Variants in CMSS1 observed in about 807,000 individuals in gnomAD.
CMSS1 encodes the protein cms1 ribosomal small subunit homolog.
CMSS1 carries 33 observed loss-of-function variants against 43.5 expected under a neutral mutation model. The ratio of observed to expected loss-of-function variants is 0.76; its 90% CI spans 0.57 to 1.01. CMSS1 has a LOEUF of 1.01. Ranked by LOEUF, CMSS1 falls within the 50% of genes least tolerant of loss-of-function variation. The pLI is 0.00. For missense variants in CMSS1, 313 were observed against 326.4 expected (o/e 0.96, Z 0.32); for synonymous variants, 115 against 117.2 (o/e 0.98, Z 0.12).
At chr3:99,845,276 A>C (rs1372298771) in intron 1 of CMSS1, among the ~76,000 whole-genome samples, 1 of 152,188 alleles carries the variant, frequency 6.6e-6, no homozygotes, top group African/African-American at 2.4e-5. Flanking sequence ...CATTGCTTTT[A>C]AATAGAAAAA....
chr3:99,893,048 A>T (rs972458826), intron 1 of CMSS1, among the ~76,000 whole-genome samples: 1 of 151,764 alleles, frequency 6.6e-6, no homozygotes, highest in Non-Finnish European at 1.5e-5. Flanking sequence ...TGCAAGCATG[A>T]TGCTCTGTGT....
chr3:100,127,618 AT>A (rs1422329285), intron 1 of CMSS1, among the ~76,000 whole-genome samples: 1 of 152,140 alleles, frequency 6.6e-6, no homozygotes, highest in Non-Finnish European at 1.5e-5. Flanking sequence ...TCCCAGTGGG[AT>A]TTGGGGACCC....
chr3:100,169,595 CTGAAG>C (rs1477635148), intron 6 of CMSS1, among the ~76,000 whole-genome samples: 1 of 152,232 alleles, frequency 6.6e-6, no homozygotes, highest in East Asian at 1.9e-4. Flanking sequence ...CCTTTCTCCA[CTGAAG>C]TGGAGACACA....
chr3:100,117,825 GTATA>G (rs1166983737), intron 1 of CMSS1, among the ~76,000 whole-genome samples: 33 of 75,132 alleles, frequency 4.4e-4, no homozygotes, highest in African/African-American at 1.0e-3. Context: ...ATAAACTGCA[GTATA>G]TATATATATA....
At chr3:100,114,473 G>T in intron 1 of CMSS1, 1 of 154,580 alleles carries the variant, frequency 6.5e-6, no homozygotes. Context: ...GTAGAGGCAG[G>T]CACAGGCTCC....
chr3:100,097,014 G>A (rs1300143207), intron 1 of CMSS1, among the ~76,000 whole-genome samples: 24 of 152,146 alleles, frequency 1.6e-4, no homozygotes. Flanking sequence ...ATACCACTCT[G>A]TGGCCTGTTA....
At chr3:100,081,253 T>C (rs1487734917) in intron 1 of CMSS1, among the ~76,000 whole-genome samples, 1 of 152,218 alleles carries the variant, frequency 6.6e-6, no homozygotes, top group Non-Finnish European at 1.5e-5. Context: ...AATCATCTTT[T>C]ATCTCTTTTT....
intron 1 of CMSS1, among the ~76,000 whole-genome samples, chr3:99,994,378 C>G (rs1028998685): frequency 6.6e-6 from 1 of 152,106 alleles, no homozygotes. Context: ...GACTTTAAAC[C>G]AAATGGACTT....
At chr3:100,076,663 AT>A (rs1252103938) in intron 1 of CMSS1, among the ~76,000 whole-genome samples, 3 of 152,090 alleles carry the variant, frequency 2.0e-5, no homozygotes, top group African/African-American at 7.2e-5. Flanking sequence ...TTTACTGTTC[AT>A]TTTTCTGATC....
intron 1 of CMSS1, among the ~76,000 whole-genome samples, chr3:100,080,180 C>T (rs2065909345): frequency 6.6e-6 from 1 of 152,094 alleles, no homozygotes; most frequent in Admixed American, 6.5e-5. Context: ...ACGGGGATCT[C>T]GCCATATTGC....
At chr3:100,037,896 A>G (rs2065133952) in intron 1 of CMSS1, among the ~76,000 whole-genome samples, 2 of 151,554 alleles carry the variant, frequency 1.3e-5, no homozygotes, top group African/African-American at 4.9e-5. Flanking sequence ...CAGCCACACT[A>G]ACTGGCTCTG....
At chr3:99,865,472 A>G (rs1336156630) in intron 1 of CMSS1, among the ~76,000 whole-genome samples, 6 of 152,146 alleles carry the variant, frequency 3.9e-5, no homozygotes, top group South Asian at 2.1e-4. Flanking sequence ...AGTATTTCCT[A>G]TAGGTTCATG....
At chr3:99,843,774 T>A (rs1943238523) in intron 1 of CMSS1, among the ~76,000 whole-genome samples, 1 of 152,074 alleles carries the variant, frequency 6.6e-6, no homozygotes, top group African/African-American at 2.4e-5. Context: ...CATGGCTTGT[T>A]AGGAGCCGAG....
chr3:100,019,669 T>G lies in CMSS1; in HGVS notation c.65-127304T>G, dbSNP rs767864125. 4.6e-5 allele frequency among the ~76,000 whole-genome samples: 7 copies of G among 152,222 alleles called. No homozygotes were observed. In the South Asian group the frequency reaches 1.2e-3, roughly 27 times the overall value. ...TGACTGTCTTTCCATTCCTTTTCTA[T>G]GTAAAACTCTTCTCTTTTTAAACAG... On this transcript the variant is annotated intron_variant, in intron 1 of 9. Coordinates refer to ENST00000421999, the MANE Select transcript of CMSS1 (RefSeq NM_032359.4).
intron 1 of CMSS1, among the ~76,000 whole-genome samples, chr3:100,014,891 C>CTTTTTTTTTTTTTTTT (rs1710284139): frequency 7.3e-5 from 2 of 27,218 alleles, no homozygotes; most frequent in Non-Finnish European, 6.9e-5. Flanking sequence ...TTTTTTCTTT[C>CTTTTTTTTTTTTTTTT]TTTCTTTTTT....
At chr3:99,978,004 C>A (rs1709020136) in intron 1 of CMSS1, among the ~76,000 whole-genome samples, 1 of 152,176 alleles carries the variant, frequency 6.6e-6, no homozygotes, top group Admixed American at 6.5e-5. Flanking sequence ...GATTAATATT[C>A]TGTTTTGAAG....
At chr3:99,839,393 A>T (rs1943033575) in intron 1 of CMSS1, among the ~76,000 whole-genome samples, 3 of 152,228 alleles carry the variant, frequency 2.0e-5, no homozygotes, top group Admixed American at 1.3e-4. Flanking sequence ...TGAGGAATGA[A>T]GGAAGCCTGT....
rs78666157 is a variant in CMSS1, at chr3:99,939,879, T to G, written c.64+121836T>G. On this transcript the variant is annotated intron_variant, in intron 1 of 9. Transcript: ENST00000421999. ...ACCACAGATAAAAAGCTAGGTATTC[T>G]GACTTTTTTTTCTCTATGCTCATGC... is the stretch of plus-strand genomic sequence containing the variant. Among the ~76,000 whole-genome samples the G allele has an allele frequency of 4.5e-3, 683 of 152,334 alleles. 8 individuals carry two copies. The highest frequency in any genetic ancestry group is 4.7e-3 in the Non-Finnish European group (317 of 68,040).
In CMSS1 at chr3:100,021,960, TGA is replaced by T. The variant is rs61630053; in HGVS notation, c.65-124980_65-124979del. On this transcript the variant is annotated intron_variant, in intron 1 of 9. Coordinates refer to ENST00000421999, the MANE Select transcript of CMSS1 (RefSeq NM_032359.4). ...GTGTGTGTGTGTGTGTGTGTGTGTG[TGA>T]GAGAGAGAGAGAGAGAGAGAGAGAG... 6.0e-3 allele frequency among the ~76,000 whole-genome samples: 556 copies of T among 93,234 alleles called. 5 individuals are homozygous for T. The highest frequency in any genetic ancestry group is 0.011 in the Middle Eastern group (2 of 186). The allele number at this position is 93,234 out of a possible 152,430, so 61.2% of individuals were successfully genotyped here. A position where few individuals can be genotyped will look rare whatever the true frequency, so the allele number is the denominator to read the frequency against.
Sources: allele counts gnomAD v4.1 joint callset (sites outside exome capture counted in the v4.1 genomes callset), GRCh38; gene constraint gnomAD v4.1.1; transcripts MANE v1.5; gene names NCBI Gene and HGNC (gene_info 2026-07-23, HGNC 2026-07-21).